TNRC6A: variants seen among roughly 807,000 people sequenced by gnomAD.
The protein encoded by TNRC6A is trinucleotide repeat-containing gene 6A protein.
In TNRC6A, 44 loss-of-function variants were observed where a neutral mutation model predicts 221.2. The ratio of observed to expected loss-of-function variants is 0.20; its 90% CI spans 0.16 to 0.26. TNRC6A has a LOEUF of 0.26. Ranked by LOEUF, TNRC6A falls within the 10% of genes least tolerant of loss-of-function variation. The pLI, the probability that TNRC6A is intolerant of heterozygous loss-of-function variation, is 1.00. For synonymous variants in TNRC6A, 847 were observed against 838.5 expected, an observed-to-expected ratio of 1.01 and a Z score of -0.18; for missense variants, 2,199 against 2,404.4, an observed-to-expected ratio of 0.91 and a Z score of 1.79.
At chr16:24,793,308 T>C (rs1275081736) in intron 6 of TNRC6A, 165 bp from the exon 7 acceptor site, 2 of 436,590 alleles carry the variant, frequency 4.6e-6, no homozygotes, top group Non-Finnish European at 7.8e-6. Context: ...TTGTCTTTTT[T>C]TAACATAAAA....
intron 2 of TNRC6A, among the ~76,000 whole-genome samples, chr16:24,664,439 T>A (rs1463260729): frequency 1.4e-5 from 2 of 143,570 alleles, no homozygotes; most frequent in East Asian, 4.0e-4. Context: ...AATATGAATA[T>A]AATAAAAATA....
intron 4 of TNRC6A, among the ~76,000 whole-genome samples, chr16:24,767,001 C>T (rs2057488509): frequency 6.6e-6 from 1 of 152,086 alleles, no homozygotes; most frequent in Non-Finnish European, 1.5e-5. Context: ...TTATGAATTT[C>T]CCATCCTTAC....
intron 1 of TNRC6A, among the ~76,000 whole-genome samples, chr16:24,612,211 C>T (rs1442456872): frequency 6.6e-6 from 1 of 152,196 alleles, no homozygotes; most frequent in East Asian, 1.9e-4. Context: ...TCACTGTCAT[C>T]TGAGCTATAC....
At chr16:24,792,832 A>G (rs1293641776) in intron 6 of TNRC6A, among the ~76,000 whole-genome samples, 1 of 135,916 alleles carries the variant, frequency 7.4e-6, no homozygotes, top group African/African-American at 2.8e-5. Flanking sequence ...TCCGTCACCC[A>G]GGCTGAAGTG....
rs901103129 is a variant in TNRC6A at position 24,786,271 on chromosome 16, A to T, written c.590-2961A>T. 2.6e-5 allele frequency among the ~76,000 whole-genome samples: 4 copies of T among 150,976 alleles called. No individual in the cohort carries two copies. In the East Asian group the frequency reaches 7.8e-4, roughly 29 times the overall value. On this transcript the variant is annotated intron_variant, in intron 5 of 24. Coordinates refer to ENST00000395799, the MANE Select transcript of TNRC6A (RefSeq NM_014494.4). Reference sequence around the variant, plus strand: ...TTATTAAGCACCTAATATGGATCAGATATAGTTCAGAGTCCTTTTTTGTTT... The same window carrying T: ...TTATTAAGCACCTAATATGGATCAGTTATAGTTCAGAGTCCTTTTTTGTTT...
intron 18 of TNRC6A, among the ~76,000 whole-genome samples, chr16:24,812,629 T>G (rs2058570107): frequency 1.3e-5 from 2 of 152,262 alleles, no homozygotes; most frequent in South Asian, 4.1e-4. Context: ...CTCAGTACAG[T>G]AACACACTGT....
At chr16:24,646,894 G>A (rs1388444049) in intron 2 of TNRC6A, among the ~76,000 whole-genome samples, 3 of 152,140 alleles carry the variant, frequency 2.0e-5, no homozygotes, top group Non-Finnish European at 4.4e-5. Flanking sequence ...CTTAATTGCA[G>A]ATTATTCACT....
At chr16:24,723,039 G>A (rs1253215627) in intron 2 of TNRC6A, among the ~76,000 whole-genome samples, 1 of 152,064 alleles carries the variant, frequency 6.6e-6, no homozygotes, top group Non-Finnish European at 1.5e-5. Context: ...GTCAAGGGAG[G>A]AATGAGGAGG....
intron 1 of TNRC6A, among the ~76,000 whole-genome samples, chr16:24,630,436 GGA>G (rs1474211809): frequency 6.6e-6 from 1 of 152,158 alleles, no homozygotes; most frequent in African/African-American, 2.4e-5. Context: ...GGCAGAGGCA[GGA>G]GGATCATTTG....
At chr16:24,772,995 C>T (rs982113962) in intron 4 of TNRC6A, among the ~76,000 whole-genome samples, 14 of 151,916 alleles carry the variant, frequency 9.2e-5, no homozygotes, top group Non-Finnish European at 1.6e-4. Context: ...TATTAATTGC[C>T]GAAGGTTATT....
At chr16:24,711,988 T>A (rs2056214854) in intron 2 of TNRC6A, among the ~76,000 whole-genome samples, 1 of 151,968 alleles carries the variant, frequency 6.6e-6, no homozygotes, top group African/African-American at 2.4e-5. Context: ...AGTTCAGTAA[T>A]TTTTATGATT....
intron 18 of TNRC6A, among the ~76,000 whole-genome samples, chr16:24,812,505 CA>C (rs1345083151): frequency 6.6e-6 from 1 of 152,188 alleles, no homozygotes; most frequent in Non-Finnish European, 1.5e-5. Context: ...TTTCAGTAAA[CA>C]ATGGGCCATA....
chr16:24,702,168 C>CT (rs1567370039), intron 2 of TNRC6A, among the ~76,000 whole-genome samples: 1 of 39,746 alleles, frequency 2.5e-5, no homozygotes, highest in Non-Finnish European at 4.6e-5. Flanking sequence ...TTTTTCTTTT[C>CT]TTTTTTCTTT....
At position 24,789,986 on chromosome 16, in the gene TNRC6A, T is replaced by G; in HGVS notation, c.1344T>G (p.Thr448=). The G allele has an allele frequency of 6.2e-7, 1 of 1,614,222 alleles. No individual in the cohort carries two copies. Among genetic ancestry groups the G allele is most frequent in the Non-Finnish European group, 8.5e-7 (1 of 1,180,042 alleles). ...SFSGQPQNIT[T]EMTGPNNTTN... ...GTGGTCAACCTCAAAATATTACCACTGAAATGACTGGACCAAATAACACTA... is the reference window on the plus strand; with the variant it reads ...GTGGTCAACCTCAAAATATTACCACGGAAATGACTGGACCAAATAACACTA... The change falls in exon 6 of 25, where the codon ACT becomes ACG. Residue 448 remains threonine (T), a synonymous_variant. Coordinates refer to ENST00000395799, the MANE Select transcript of TNRC6A (RefSeq NM_014494.4).
intron 2 of TNRC6A, among the ~76,000 whole-genome samples, chr16:24,693,976 CTTTG>C: frequency 6.6e-6 from 1 of 152,130 alleles, no homozygotes; most frequent in Admixed American, 6.6e-5. Context: ...TCATTTCTGG[CTTTG>C]TTTTTCAACA....
intron 1 of TNRC6A, among the ~76,000 whole-genome samples, chr16:24,621,825 C>T (rs922455893): frequency 5.9e-5 from 9 of 152,174 alleles, no homozygotes; most frequent in Middle Eastern, 3.4e-3. Context: ...ACAAACACTG[C>T]GACTCGGAAG....
At chr16:24,797,592 C>T (rs1221649324) in intron 10 of TNRC6A, 22 bp downstream of exon 10, 4 of 1,538,338 alleles carry the variant, frequency 2.6e-6, no homozygotes, top group African/African-American at 1.4e-5. Context: ...TTCTTAGCAG[C>T]TCCTTCCTCT....
rs751492079 is a variant in TNRC6A at position 24,789,480 on chromosome 16, A to C, written c.838A>C (p.Lys280Gln). The C allele has an allele frequency of 6.2e-7, 1 of 1,614,202 alleles. No individual in the cohort carries two copies. Among genetic ancestry groups the C allele is most frequent in the East Asian group, 2.2e-5 (1 of 44,880 alleles). Residue 280 changes from lysine to glutamine, a missense_variant, in exon 6 of 25, where the codon AAA (lysine) becomes CAA (glutamine). Physicochemically the swap from Lys to Gln is moderately conservative, Grantham distance 53. Transcript: ENST00000395799. ...IMASGNTGGEKDGLRNSTGLG... is the reference protein window; with the variant it reads ...IMASGNTGGEQDGLRNSTGLG... ...GGCTTCAGGGAACACAGGTGGTGAA[A>C]AAGATGGCCTTCGGAATAGCACTGG...
At position 24,666,816 on chromosome 16, in the gene TNRC6A, TA is replaced by T. The variant is rs145735189; in HGVS notation, n.402+25814del. 1.7e-4 allele frequency among the ~76,000 whole-genome samples: 25 copies of T among 151,162 alleles called. 1 individual carries two copies. Among genetic ancestry groups the T allele is most frequent in the Non-Finnish European group, 1.0e-4 (7 of 67,812 alleles). ...GAAGGCACTCCAAAACTTAATTGCTTAAAAAAACACCACTCTTGGCTGGGCA... is the reference window on the plus strand; with the variant it reads ...GAAGGCACTCCAAAACTTAATTGCTTAAAAAACACCACTCTTGGCTGGGCA... On this transcript the variant is annotated intron_variant and non_coding_transcript_variant, in intron 2 of 2. Transcript: ENST00000566108.
Sources: allele counts gnomAD v4.1 joint callset (sites outside exome capture counted in the v4.1 genomes callset), GRCh38; gene constraint gnomAD v4.1.1; transcripts MANE v1.5; gene names NCBI Gene and HGNC (gene_info 2026-07-23, HGNC 2026-07-21).